CDK5RAP2: variants seen among roughly 807,000 people sequenced by gnomAD.
CDK5RAP2 encodes the protein CDK5 regulatory subunit-associated protein 2.
Under a neutral mutation model 232.9 loss-of-function variants are expected in CDK5RAP2, and 147 were observed. The observed-to-expected ratio is 0.63, with a 90% CI of 0.55 to 0.72. CDK5RAP2 has a LOEUF of 0.72. CDK5RAP2 is among the 30% of genes least tolerant of loss of function. CDK5RAP2 has a pLI of 0.00. For synonymous variants in CDK5RAP2, 833 were observed against 833.7 expected, an observed-to-expected ratio of 1.00 and a Z score of 0.01; for missense variants, 2,195 against 2,231.5, an observed-to-expected ratio of 0.98 and a Z score of 0.33.
intron 2 of CDK5RAP2, among the ~76,000 whole-genome samples, chr9:120,570,216 GT>G (rs1168743812): frequency 1.3e-5 from 2 of 152,272 alleles, no homozygotes; most frequent in Middle Eastern, 3.4e-3. Context: ...ACGCTAGTTT[GT>G]TTTCCTGTTC....
In CDK5RAP2 at chr9:120,470,176, T is replaced by C. The variant is rs2037612198; in HGVS notation, c.1903A>G (p.Ile635Val). The C allele has an allele frequency of 6.3e-7, 1 of 1,597,506 alleles. No homozygotes were observed. The highest frequency in any genetic ancestry group is 8.6e-7 in the Non-Finnish European group (1 of 1,167,472). ...AACCGATTGTTTTCTTCAAGGCAAATACTTAGATAAGATGTTTGATCACTA... is the reference window on the plus strand; with the variant it reads ...AACCGATTGTTTTCTTCAAGGCAAACACTTAGATAAGATGTTTGATCACTA... Reference protein sequence around the residue: ...LYSDQTSYLSICLEENNRFQV... With the variant: ...LYSDQTSYLSVCLEENNRFQV... The change falls in exon 17 of 38, where the codon ATT (isoleucine) becomes GTT (valine). Residue 635 changes from isoleucine (I) to valine (V), a missense_variant. Physicochemically the swap from Ile to Val is conservative, Grantham distance 29. Coordinates refer to ENST00000349780, the MANE Select transcript of CDK5RAP2 (RefSeq NM_018249.6).
At chr9:120,484,730 T>A (rs1457048808) in intron 14 of CDK5RAP2, among the ~76,000 whole-genome samples, 8 of 151,676 alleles carry the variant, frequency 5.3e-5, no homozygotes, top group African/African-American at 1.9e-4. Context: ...TCTCAAAAAA[T>A]AAATAAATAA....
In CDK5RAP2 at chr9:120,422,738, TTTC is replaced by T; in HGVS notation, c.3956_3958del (p.Gly1319_Lys1320delinsGlu). ...GGTGTTCATTTCCACTCCAACTGAT[TTTC>T]CTGGAAGCAGAAATAACATCAAGAA... is the stretch of plus-strand genomic sequence containing the variant. On this transcript the variant is annotated inframe_deletion and splice_region_variant, in exon 26 of 38. Coordinates refer to ENST00000349780, the MANE Select transcript of CDK5RAP2 (RefSeq NM_018249.6). The T allele has an allele frequency of 1.9e-6, 3 of 1,612,152 alleles. No individual in the cohort carries two copies. The highest frequency in any genetic ancestry group is 2.5e-6 in the Non-Finnish European group (3 of 1,178,244).
intron 1 of CDK5RAP2, among the ~76,000 whole-genome samples, chr9:120,579,485 G>A (rs2043160607): frequency 6.6e-6 from 1 of 152,138 alleles, no homozygotes; most frequent in Admixed American, 6.6e-5. Flanking sequence ...TGCCTCCTGG[G>A]TGGCCACTAT....
chr9:120,451,708 TAG>T (rs2036488172), intron 21 of CDK5RAP2, among the ~76,000 whole-genome samples: 1 of 152,118 alleles, frequency 6.6e-6, no homozygotes, highest in Non-Finnish European at 1.5e-5. Flanking sequence ...AACCAGACTT[TAG>T]TTTATATCCC....
In CDK5RAP2 at chr9:120,574,433, A is replaced by G. The variant is rs1421974014; in HGVS notation, c.60-2392T>C. Among the ~76,000 whole-genome samples the G allele has an allele frequency of 3.9e-5, 6 of 152,362 alleles. 1 individual carries two copies. The South Asian group carries it at 8.3e-4, about 21-fold the overall frequency. ...GCTCAGATATGATCTTATTCCACAG[A>G]TGAGAAGACTGAAACCCAGAAATGG... is the stretch of plus-strand genomic sequence containing the variant. On this transcript the variant is annotated intron_variant, in intron 1 of 37. Coordinates refer to ENST00000349780, the MANE Select transcript of CDK5RAP2 (RefSeq NM_018249.6).
intron 17 of CDK5RAP2, 24 bp from the exon 18 acceptor site, chr9:120,468,021 G>C (rs1246645002): frequency 2.1e-5 from 34 of 1,613,280 alleles, no homozygotes; most frequent in Non-Finnish European, 2.9e-5. Context: ...ACAGGGAAAA[G>C]GCTGTCTACC....
chr9:120,503,694 T>A (rs2039680828), intron 12 of CDK5RAP2, among the ~76,000 whole-genome samples: 1 of 152,084 alleles, frequency 6.6e-6, no homozygotes, highest in East Asian at 1.9e-4. Flanking sequence ...ACTCCCAGGG[T>A]CCTTGGAGGT....
At chr9:120,467,140 C>T (rs1045067692) in intron 18 of CDK5RAP2, among the ~76,000 whole-genome samples, 2 of 152,232 alleles carry the variant, frequency 1.3e-5, no homozygotes, top group African/African-American at 4.8e-5. Context: ...CAACAAATCA[C>T]AAAGATCAGC....
chr9:120,417,866 A>G (rs555068392), intron 27 of CDK5RAP2, among the ~76,000 whole-genome samples: 58 of 152,326 alleles, frequency 3.8e-4, no homozygotes, highest in African/African-American at 1.4e-3. Flanking sequence ...CCCCCAAATA[A>G]GGGAAAAGCT....
At chr9:120,475,511 C>A (rs1010957304) in intron 15 of CDK5RAP2, among the ~76,000 whole-genome samples, 1 of 152,100 alleles carries the variant, frequency 6.6e-6, no homozygotes, top group Non-Finnish European at 1.5e-5. Flanking sequence ...AGAGAAGCTG[C>A]GCAATTGAAA....
intron 25 of CDK5RAP2, among the ~76,000 whole-genome samples, chr9:120,427,851 T>C (rs1353237683): frequency 6.6e-6 from 1 of 152,172 alleles, no homozygotes; most frequent in Non-Finnish European, 1.5e-5. Context: ...ACCACATAGT[T>C]GGAAGTAAAG....
rs143640306 is a variant in CDK5RAP2, at chr9:120,557,436, T to A, written c.196-6534A>T. 4.6e-3 allele frequency among the ~76,000 whole-genome samples: 699 copies of A among 152,234 alleles called. 2 individuals carry two copies. The highest frequency in any genetic ancestry group is 0.014 in the Middle Eastern group (4 of 294). On this transcript the variant is annotated intron_variant, in intron 3 of 37. Transcript: ENST00000349780. The stretch of plus-strand genomic sequence containing the variant: ...AGATGGTTACTAAATAGCCAATGGT[T>A]GGCAGAATAGATGGACAGACACATT...
chr9:120,558,463 A>G (rs1411105345), intron 3 of CDK5RAP2, among the ~76,000 whole-genome samples: 2 of 149,218 alleles, frequency 1.3e-5, no homozygotes, highest in African/African-American at 4.9e-5. Flanking sequence ...GATCTGGTAT[A>G]CATCACTCCC....
chr9:120,468,041 A>C, intron 17 of CDK5RAP2, 44 bp from the exon 18 acceptor site: 1 of 1,610,322 alleles, frequency 6.2e-7, no homozygotes, highest in Non-Finnish European at 8.5e-7. Context: ...CCAGCAAGAG[A>C]CTTCAGCTTC....
At chr9:120,498,826 G>T (rs923214212) in intron 12 of CDK5RAP2, among the ~76,000 whole-genome samples, 2 of 151,862 alleles carry the variant, frequency 1.3e-5, no homozygotes, top group African/African-American at 4.8e-5. Context: ...TTTGACACCA[G>T]CCTGGGCAAC....
intron 2 of CDK5RAP2, among the ~76,000 whole-genome samples, chr9:120,570,869 G>A (rs2042828957): frequency 6.7e-6 from 1 of 149,634 alleles, no homozygotes; most frequent in South Asian, 2.1e-4. Flanking sequence ...TGCATTTAAA[G>A]TAAAAGTTGC....
chr9:120,508,568 C>T (rs575034108), intron 12 of CDK5RAP2, among the ~76,000 whole-genome samples: 1 of 152,338 alleles, frequency 6.6e-6, no homozygotes, highest in South Asian at 2.1e-4. Flanking sequence ...ATGTAGCTTT[C>T]ACCAGTTGCC....
intron 12 of CDK5RAP2, among the ~76,000 whole-genome samples, chr9:120,502,425 G>A (rs1182345411): frequency 6.6e-6 from 1 of 152,174 alleles, no homozygotes; most frequent in Non-Finnish European, 1.5e-5. Context: ...ACCATATTTT[G>A]ATGTCTGGTT....
Sources: gnomAD v4.1 joint callset for allele counts (sites outside exome capture counted in the v4.1 genomes callset) on GRCh38, gnomAD v4.1.1 for gene constraint, MANE v1.5 for transcripts, NCBI Gene and HGNC (gene_info 2026-07-23, HGNC 2026-07-21) for gene names.